The following DLG2 variants were observed in gnomAD, a reference collection of about 807,000 sequenced individuals.
DLG2 encodes the protein discs large MAGUK scaffold protein 2.
DLG2 carries 45 observed loss-of-function variants against 132.5 expected under a neutral mutation model. The ratio of observed to expected loss-of-function variants is 0.34; its 90% CI spans 0.27 to 0.44. The LOEUF is 0.44. DLG2 is among the 20% of genes least tolerant of loss of function. The pLI is 1.00. For missense variants in DLG2, 1,045 were observed against 1,196.9 expected, an observed-to-expected ratio of 0.87 and a Z score of 1.87; for synonymous variants, 424 against 419.6, an observed-to-expected ratio of 1.01 and a Z score of -0.13.
chr11:83,999,493 C>T (rs556922275), intron 11 of DLG2, among the ~76,000 whole-genome samples: 2 of 152,158 alleles, frequency 1.3e-5, no homozygotes, highest in South Asian at 4.2e-4. Flanking sequence ...AATAACCTGC[C>T]CACCTGCCTG....
At chr11:84,043,259 A>C (rs1272607167) in intron 11 of DLG2, among the ~76,000 whole-genome samples, 1 of 151,482 alleles carries the variant, frequency 6.6e-6, no homozygotes, top group Non-Finnish European at 1.5e-5. Context: ...CCTTTGGTTT[A>C]TCATCATAAA....
intron 11 of DLG2, among the ~76,000 whole-genome samples, chr11:84,028,057 A>C (rs979947759): frequency 7.9e-5 from 12 of 152,064 alleles, no homozygotes; most frequent in South Asian, 2.1e-4. Context: ...CAGATTAAAA[A>C]AAAAAAAAAC....
At chr11:83,830,535 A>C (rs2054190013) in intron 17 of DLG2, among the ~76,000 whole-genome samples, 1 of 152,232 alleles carries the variant, frequency 6.6e-6, no homozygotes, top group Admixed American at 6.5e-5. Context: ...TGGAAGACTA[A>C]ATTATTTATG....
chr11:85,369,271 G>C (rs1226319381), intron 3 of DLG2, among the ~76,000 whole-genome samples: 1 of 152,022 alleles, frequency 6.6e-6, no homozygotes, highest in Non-Finnish European at 1.5e-5. Context: ...CACACAGCTA[G>C]CTGGCTGGCT....
At chr11:85,082,871 C>T (rs1437874200) in intron 6 of DLG2, among the ~76,000 whole-genome samples, 1 of 148,644 alleles carries the variant, frequency 6.7e-6, no homozygotes, top group East Asian at 2.0e-4. Context: ...TCAAAACAAA[C>T]AAACAACAAC....
At chr11:85,454,306 C>T (rs768763827) in intron 3 of DLG2, among the ~76,000 whole-genome samples, 4 of 151,868 alleles carry the variant, frequency 2.6e-5, no homozygotes, top group Admixed American at 6.6e-5. Context: ...TGATGTTGAG[C>T]ATTTCTTATT....
intron 7 of DLG2, among the ~76,000 whole-genome samples, chr11:84,496,876 A>T (rs2099185922): frequency 6.6e-6 from 1 of 152,138 alleles, no homozygotes; most frequent in Non-Finnish European, 1.5e-5. Flanking sequence ...TAAAAAACTG[A>T]CAATTTTTGA....
intron 10 of DLG2, among the ~76,000 whole-genome samples, chr11:84,070,236 C>T (rs1201825963): frequency 1.3e-5 from 2 of 152,116 alleles, no homozygotes; most frequent in East Asian, 1.9e-4. Context: ...CTAAACCAAC[C>T]CCCTTTTTAT....
chr11:83,481,182 T>C (rs1016160828), intron 22 of DLG2, among the ~76,000 whole-genome samples: 2 of 152,158 alleles, frequency 1.3e-5, no homozygotes, highest in Non-Finnish European at 2.9e-5. Context: ...AAATTCATGC[T>C]GAATGACTTG....
At chr11:85,267,284 G>A (rs1595824690) in intron 4 of DLG2, among the ~76,000 whole-genome samples, 1 of 152,206 alleles carries the variant, frequency 6.6e-6, no homozygotes, top group Non-Finnish European at 1.5e-5. Context: ...CAGGAATTCA[G>A]ACATGCTGGT....
chr11:85,403,154 A>T (rs1398691886), intron 3 of DLG2, among the ~76,000 whole-genome samples: 1 of 152,228 alleles, frequency 6.6e-6, no homozygotes, highest in African/African-American at 2.4e-5. Flanking sequence ...ATGGAATACT[A>T]TGCAGCCATA....
At chr11:84,401,336 A>G (rs1189075162) in intron 7 of DLG2, among the ~76,000 whole-genome samples, 1 of 151,996 alleles carries the variant, frequency 6.6e-6, no homozygotes. Context: ...CACTTTTCAC[A>G]ACTTATTATA....
chr11:84,403,600 A>G (rs1333448541), intron 7 of DLG2, among the ~76,000 whole-genome samples: 2 of 152,180 alleles, frequency 1.3e-5, no homozygotes, highest in African/African-American at 4.8e-5. Context: ...AAAAACAGCT[A>G]TAAGCATGCA....
At chr11:85,392,784 C>T (rs928665304) in intron 3 of DLG2, among the ~76,000 whole-genome samples, 1 of 152,110 alleles carries the variant, frequency 6.6e-6, no homozygotes, top group African/African-American at 2.4e-5. Flanking sequence ...AAGAATGAAA[C>T]TGGATCCTTG....
At chr11:83,601,722 G>A (rs1265658720) in intron 19 of DLG2, among the ~76,000 whole-genome samples, 2 of 151,270 alleles carry the variant, frequency 1.3e-5, no homozygotes. Context: ...TAGAGATAGG[G>A]TTTCAGCCTG....
chr11:85,275,097 T>G (rs890692109), intron 4 of DLG2, among the ~76,000 whole-genome samples: 1 of 152,190 alleles, frequency 6.6e-6, no homozygotes, highest in African/African-American at 2.4e-5. Context: ...CTCCTGTTAA[T>G]ATGCTTTTTG....
intron 6 of DLG2, among the ~76,000 whole-genome samples, chr11:84,644,791 A>C (rs970048094): frequency 7.9e-5 from 12 of 152,118 alleles, no homozygotes; most frequent in African/African-American, 2.7e-4. Context: ...TGGGAAACTA[A>C]TAATTCCTGT....
At chr11:84,972,970 T>G (rs1236209167) in intron 6 of DLG2, among the ~76,000 whole-genome samples, 1 of 151,758 alleles carries the variant, frequency 6.6e-6, no homozygotes, top group Non-Finnish European at 1.5e-5. Context: ...TTTTCTTTTT[T>G]TTTTGAGACA....
intron 7 of DLG2, among the ~76,000 whole-genome samples, chr11:84,448,160 G>A (rs1312471516): frequency 1.3e-5 from 2 of 152,028 alleles, no homozygotes; most frequent in Non-Finnish European, 2.9e-5. Context: ...TAACCTGACT[G>A]CTTTGGAATG....
Sources: gnomAD v4.1 joint callset for allele counts (sites outside exome capture counted in the v4.1 genomes callset) on GRCh38, gnomAD v4.1.1 for gene constraint, MANE v1.5 for transcripts, NCBI Gene and HGNC (gene_info 2026-07-23, HGNC 2026-07-21) for gene names.